The following EHHADH variants were observed in gnomAD, a reference collection of about 807,000 sequenced individuals.
EHHADH encodes the protein enoyl-CoA hydratase and 3-hydroxyacyl CoA dehydrogenase.
EHHADH carries 48 observed loss-of-function variants against 64.4 expected under a neutral mutation model. The observed-to-expected ratio is 0.75, with a 90% CI of 0.59 to 0.95. The LOEUF is 0.95. Among genes scored for constraint, EHHADH ranks in the 40% least tolerant of loss-of-function variants. The pLI, the probability that EHHADH is intolerant of heterozygous loss-of-function variation, is 0.00. For synonymous variants in EHHADH, 308 were observed against 326.7 expected, an observed-to-expected ratio of 0.94 and a Z score of 0.62; for missense variants, 854 against 876.6, an observed-to-expected ratio of 0.97 and a Z score of 0.33.
At position 185,218,167 on chromosome 3, in the gene EHHADH, T is replaced by C; in HGVS notation, c.537A>G (p.Glu179=). Residue 179 remains glutamate, a synonymous_variant, in exon 5 of 7, where the codon GAA becomes GAG. Coordinates refer to ENST00000231887, the MANE Select transcript of EHHADH (RefSeq NM_001966.4). ...LDKVVNSDPV[E]EAIRFAQRVS... is the part of the protein sequence containing the mutation. The stretch of plus-strand genomic sequence containing the variant: ...CTCTCTGAGCAAATCTGATTGCTTC[T>C]TCAACCGGGTCTGAGTTTACAACTT... 6.2e-7 allele frequency: 1 copy of C among 1,607,738 alleles called. No homozygotes were observed. Among genetic ancestry groups the C allele is most frequent in the Non-Finnish European group, 8.5e-7 (1 of 1,177,752 alleles).
intron 4 of EHHADH, among the ~76,000 whole-genome samples, chr3:185,221,161 A>T (rs1718821618): frequency 6.6e-6 from 1 of 152,218 alleles, no homozygotes; most frequent in African/African-American, 2.4e-5. Context: ...GCAATACTGC[A>T]AATAGGGCAA....
intron 3 of EHHADH, among the ~76,000 whole-genome samples, chr3:185,230,225 T>C (rs905739879): frequency 6.6e-6 from 1 of 152,206 alleles, no homozygotes; most frequent in African/African-American, 2.4e-5. Flanking sequence ...CTAGTGGGAA[T>C]ATAAAACAGA....
intron 3 of EHHADH, among the ~76,000 whole-genome samples, chr3:185,233,156 T>C (rs1447313254): frequency 6.6e-6 from 1 of 152,218 alleles, no homozygotes; most frequent in African/African-American, 2.4e-5. Flanking sequence ...CAATGATAAA[T>C]CTATGTTAAG....
chr3:185,205,769 C>A (rs1348952716), intron 5 of EHHADH, among the ~76,000 whole-genome samples: 4 of 152,056 alleles, frequency 2.6e-5, no homozygotes. Context: ...TCACCTTTTC[C>A]AGCTAAATCC....
chr3:185,209,460 T>G (rs1208210201), intron 5 of EHHADH, among the ~76,000 whole-genome samples: 1 of 152,214 alleles, frequency 6.6e-6, no homozygotes, highest in African/African-American at 2.4e-5. Context: ...TTTTCTATAA[T>G]GTACTGGCAT....
intron 2 of EHHADH, among the ~76,000 whole-genome samples, chr3:185,241,572 A>G (rs1313039586): frequency 6.6e-6 from 1 of 151,992 alleles, no homozygotes; most frequent in Non-Finnish European, 1.5e-5. Context: ...GCATTTTTTC[A>G]TATGCTTGTT....
intron 3 of EHHADH, among the ~76,000 whole-genome samples, chr3:185,234,105 C>G (rs1178943680): frequency 6.6e-6 from 1 of 152,034 alleles, no homozygotes; most frequent in Non-Finnish European, 1.5e-5. Context: ...TTCTTATGTT[C>G]TCTAGTTTAG....
At chr3:185,244,450 TA>T (rs1325810365) in intron 2 of EHHADH, among the ~76,000 whole-genome samples, 2 of 152,220 alleles carry the variant, frequency 1.3e-5, no homozygotes, top group Non-Finnish European at 2.9e-5. Flanking sequence ...TAAATGAAAT[TA>T]GCCTGTAATT....
At chr3:185,231,776 A>G (rs1719138025) in intron 3 of EHHADH, among the ~76,000 whole-genome samples, 1 of 152,226 alleles carries the variant, frequency 6.6e-6, no homozygotes, top group Non-Finnish European at 1.5e-5. Flanking sequence ...GTAGATTAGT[A>G]GGTGCTTAGG....
At chr3:185,210,883 G>A (rs1202928402) in intron 5 of EHHADH, among the ~76,000 whole-genome samples, 1 of 152,180 alleles carries the variant, frequency 6.6e-6, no homozygotes, top group African/African-American at 2.4e-5. Flanking sequence ...TTAATGGTGT[G>A]CAGTAATTAG....
At chr3:185,227,706 A>C (rs1025954558) in intron 4 of EHHADH, among the ~76,000 whole-genome samples, 8 of 152,072 alleles carry the variant, frequency 5.3e-5, no homozygotes, top group African/African-American at 1.7e-4. Context: ...CATGCCTGTA[A>C]TCCCAGCTAC....
intron 5 of EHHADH, among the ~76,000 whole-genome samples, chr3:185,213,176 TA>T (rs1302042877): frequency 1.8e-5 from 2 of 114,152 alleles, no homozygotes; most frequent in Non-Finnish European, 3.9e-5. Flanking sequence ...GTGTCAGGTG[TA>T]AAAAAAATCA....
intron 5 of EHHADH, among the ~76,000 whole-genome samples, chr3:185,209,121 G>T (rs115966248): frequency 4.3e-4 from 65 of 152,148 alleles, no homozygotes; most frequent in African/African-American, 1.5e-3. Context: ...CAATCTATAA[G>T]GCAAATCACG....
At position 185,229,420 on chromosome 3, in the gene EHHADH, G is replaced by C. The variant is rs376669522; in HGVS notation, c.463+12C>G. 5.8e-5 allele frequency: 85 copies of C among 1,470,084 alleles called. No individual in the cohort carries two copies. Among genetic ancestry groups the C allele is most frequent in the Non-Finnish European group, 7.6e-5 (83 of 1,096,444 alleles). 91.1% of individuals were successfully genotyped at this position (1,470,084 alleles called of 1,614,324 possible). A position where few individuals can be genotyped will look rare whatever the true frequency, so the allele number is the denominator to read the frequency against. Reference sequence around the variant, plus strand: ...ACTAATCTAGACAGTTGTTGCCAAGGTCTATACTGACCTGAGGTAATTAAG... The same window carrying C: ...ACTAATCTAGACAGTTGTTGCCAAGCTCTATACTGACCTGAGGTAATTAAG... On this transcript the variant is annotated intron_variant, in intron 4 of 6. Transcript: ENST00000231887.
At chr3:185,199,900 ATGCCCG>A (rs1449642016) in intron 6 of EHHADH, among the ~76,000 whole-genome samples, 3 of 152,170 alleles carry the variant, frequency 2.0e-5, no homozygotes, top group Non-Finnish European at 4.4e-5. Context: ...ATGTGCCACC[ATGCCCG>A]GCTCTATGGC....
chr3:185,240,359 G>T (rs1248839051), intron 2 of EHHADH, among the ~76,000 whole-genome samples: 2 of 151,210 alleles, frequency 1.3e-5, no homozygotes, highest in African/African-American at 4.9e-5. Context: ...GCTCTTCTTT[G>T]CACATCTGGT....
At chr3:185,252,925 A>C (rs1325733928) in intron 1 of EHHADH, among the ~76,000 whole-genome samples, 2 of 152,110 alleles carry the variant, frequency 1.3e-5, no homozygotes, top group African/African-American at 4.8e-5. Context: ...CAAGGCTGAC[A>C]TATAATTATT....
At chr3:185,198,110 C>A (rs773114272) in intron 6 of EHHADH, among the ~76,000 whole-genome samples, 1 of 151,580 alleles carries the variant, frequency 6.6e-6, no homozygotes. Flanking sequence ...GCTTTCAATT[C>A]TTTGGGGTAA....
At chr3:185,229,303 G>A (rs955082880) in intron 4 of EHHADH, 129 bp downstream of exon 4, 8 of 436,258 alleles carry the variant, frequency 1.8e-5, no homozygotes, top group African/African-American at 1.2e-4. Flanking sequence ...TCAGAAAATC[G>A]AGAGGCCAAG....
Sources: allele counts gnomAD v4.1 joint callset (sites outside exome capture counted in the v4.1 genomes callset), GRCh38; gene constraint gnomAD v4.1.1; transcripts MANE v1.5; gene names NCBI Gene and HGNC (gene_info 2026-07-23, HGNC 2026-07-21).